Variants in TTN observed in about 807,000 individuals in gnomAD.
The protein encoded by TTN is titin.
A neutral mutation model predicts 3,223.0 loss-of-function variants in TTN; 1,525 were observed. The ratio of observed to expected loss-of-function variants is 0.47; its 90% CI spans 0.45 to 0.49. The LOEUF is 0.49. TTN is among the 20% of genes least tolerant of loss of function. TTN has a pLI of 0.00. For synonymous variants in TTN, 14,094 were observed against 15,161.0 expected (o/e 0.93, Z 5.17); for missense variants, 40,786 against 43,424.0 (o/e 0.94, Z 5.40).
rs1554000030 is a variant in TTN, at chr2:178,773,225, A to G, written c.7739T>C (p.Ile2580Thr). Reference sequence around the variant, plus strand: ...TTTATATATTTTTCCATGTGCTTCAATTTTATATTTAGAACTGGGCTTGAT... The same window carrying G: ...TTTATATATTTTTCCATGTGCTTCAGTTTTATATTTAGAACTGGGCTTGAT... The part of the protein sequence containing the change: ...KEIKPSSKYK[I>T]EAHGKIYKLT... The change falls in exon 33 of 363, where the codon ATT becomes ACT. Residue 2580 changes from isoleucine (I) to threonine (T), a missense_variant. Transcript: ENST00000589042. The G allele has an allele frequency of 1.2e-6, 2 of 1,613,798 alleles. No homozygotes were observed. Among genetic ancestry groups the G allele is most frequent in the Admixed American group, 1.7e-5 (1 of 59,958 alleles).
At chr2:178,770,799 G>T in intron 34 of TTN, 124 bp from the exon 35 acceptor site, 1 of 1,226,322 alleles carries the variant, frequency 8.2e-7, no homozygotes, top group Non-Finnish European at 1.2e-6. Flanking sequence ...TTACAGTTAT[G>T]CAGCACCTCT....
rs767456906 is a variant in TTN, at chr2:178,540,281, C to T, written c.97885G>A (p.Gly32629Arg). ...LAWSVPEDEGGSKVTGYLIEM... is the reference protein window; with the variant it reads ...LAWSVPEDEGRSKVTGYLIEM... ...ATCAAGTAGCCTGTGACTTTAGATC[C>T]TCCTTCATCTTCTGGAACACTCCAG... Residue 32629 changes from glycine to arginine, a missense_variant, in exon 351 of 363, where the codon GGA becomes AGA. Coordinates refer to ENST00000589042, the MANE Select transcript of TTN (RefSeq NM_001267550.2). The T allele has an allele frequency of 1.1e-5, 17 of 1,613,694 alleles. No individual in the cohort carries two copies. Among genetic ancestry groups the T allele is most frequent in the Non-Finnish European group, 1.4e-5 (17 of 1,179,770 alleles).
In TTN at chr2:178,605,409, C is replaced by A. The variant is rs753527304; in HGVS notation, c.53881+5G>T. On this transcript the variant is annotated splice_donor_5th_base_variant and intron_variant, in intron 279 of 362. Transcript: ENST00000589042. ...TAAAATTATTATTATATTCAGATTC[C>A]GCACCTTCATCATCTTGTATGACTA... is the stretch of plus-strand genomic sequence containing the variant. 3.2e-6 allele frequency: 5 copies of A among 1,573,498 alleles called. No homozygotes were observed. The highest frequency in any genetic ancestry group is 4.3e-6 in the Non-Finnish European group (5 of 1,160,696).
At chr2:178,545,193 T>C (rs1696491330) in intron 344 of TTN, among the ~76,000 whole-genome samples, 195 bp downstream of exon 344, 1 of 152,194 alleles carries the variant, frequency 6.6e-6, no homozygotes, top group African/African-American at 2.4e-5. Flanking sequence ...CTTTTAGCAA[T>C]TCTAATTGCT....
In TTN at chr2:178,536,198, A is replaced by C; in HGVS notation, c.100549T>G (p.Cys33517Gly). 1 of 1,613,392 alleles carries C rather than the reference A, an allele frequency of 6.2e-7. No homozygotes were observed. Among genetic ancestry groups the C allele is most frequent in the Non-Finnish European group, 8.5e-7 (1 of 1,179,584 alleles). The change falls in exon 357 of 363, where the codon TGC (cysteine) becomes GGC (glycine). Residue 33517 changes from cysteine to glycine, a missense_variant. By Grantham distance (159) the Cys-to-Gly change is radical (BLOSUM62 -3). Coordinates refer to ENST00000589042, the MANE Select transcript of TTN (RefSeq NM_001267550.2). ...VRYQSNATLV[C>G]KVTGHPKPIV... ...GGTTTTGGATGACCAGTCACTTTGC[A>C]GACCAAGGTAGCATTGCTCTGATAT...
Position 178,777,783 on chromosome 2 carries a change from T to C in TTN, c.4401A>G (p.Lys1467=), listed in dbSNP as rs773625795. 2 of 1,613,912 alleles carry C rather than the reference T, an allele frequency of 1.2e-6. No individual in the cohort carries two copies. The highest frequency in any genetic ancestry group is 2.7e-5 in the African/African-American group (2 of 74,904). The change falls in exon 25 of 363, where the codon AAA becomes AAG. Residue 1467 remains lysine (K), a synonymous_variant. Transcript: ENST00000589042. Reference sequence around the variant, plus strand: ...ATCTGGCAGTTTGCCCTTCTAAACATTTGAAAGAAACAGGTTTTAACACAA... The same window carrying C: ...ATCTGGCAGTTTGCCCTTCTAAACACTTGAAAGAAACAGGTTTTAACACAA... ...PVFVLKPVSF[K]CLEGQTARFD...
Position 178,612,949 on chromosome 2 carries a change from A to C in TTN, c.49772T>G (p.Leu16591Arg). Residue 16591 changes from leucine to arginine, a missense_variant, in exon 265 of 363, where the codon CTG (leucine) becomes CGG (arginine). Coordinates refer to ENST00000589042, the MANE Select transcript of TTN (RefSeq NM_001267550.2). Reference sequence around the variant, plus strand: ...GACCCACTCATCTGTTCCAGTCTTCAGCATTTCAATGACATAAGACTCAAT... The same window carrying C: ...GACCCACTCATCTGTTCCAGTCTTCCGCATTTCAATGACATAAGACTCAAT... ...AKIESYVIEM[L>R]KTGTDEWVRV... is the part of the protein sequence containing the mutation. 6.2e-7 allele frequency: 1 copy of C among 1,612,744 alleles called. No individual in the cohort carries two copies. Among genetic ancestry groups the C allele is most frequent in the East Asian group, 2.2e-5 (1 of 44,598 alleles).
chr2:178,706,331 G>T, intron 102 of TTN, 123 bp downstream of exon 102: 1 of 1,033,900 alleles, frequency 9.7e-7, no homozygotes, highest in Non-Finnish European at 1.4e-6. Flanking sequence ...ATGCTGTATT[G>T]TTTATTTGTA....
chr2:178,692,315 T>G (rs1185215789), intron 120 of TTN, among the ~76,000 whole-genome samples, 182 bp downstream of exon 120: 2 of 152,090 alleles, frequency 1.3e-5, no homozygotes, highest in Non-Finnish European at 2.9e-5. Context: ...TAGCGTGATC[T>G]GGAGTTTAGA....
At chr2:178,608,968 A>G (rs1471364818) in intron 273 of TTN, 60 bp from the exon 274 acceptor site, 3 of 1,562,992 alleles carry the variant, frequency 1.9e-6, no homozygotes, top group Non-Finnish European at 2.6e-6. Context: ...GCTATGGAAA[A>G]TATAAATGTG....
intron 47 of TTN, chr2:178,745,900 G>A: frequency 6.2e-7 from 1 of 1,611,564 alleles, no homozygotes; most frequent in Non-Finnish European, 8.5e-7. Flanking sequence ...AACTGTCTGT[G>A]TAGTTGCTCT....
rs771005008 is a variant in TTN at position 178,704,585 on chromosome 2, A to C, written c.29887T>G (p.Cys9963Gly). 1.2e-5 allele frequency: 19 copies of C among 1,613,450 alleles called. No homozygotes were observed. In the South Asian group the frequency reaches 2.1e-4, roughly 18 times the overall value. ...TAATTGCCCTGGTCTTTAAGTTGAC[A>C]GTTTTTGACTCTGAGTGTATGTCGG... is the stretch of plus-strand genomic sequence containing the variant. ...GDRHTLRVKN[C>G]QLKDQGNYRL... Residue 9963 changes from cysteine to glycine, a missense_variant, in exon 105 of 363, where the codon TGT becomes GGT. Physicochemically the swap from Cys to Gly is radical, Grantham distance 159. Transcript: ENST00000589042.
In TTN at chr2:178,780,222, T is replaced by G; in HGVS notation, c.3524-17A>C. ...CATAATCAGCTAAGAGTTAAGAACA[T>G]CAGTTAATTTTTAATGCTCTTATTA... On this transcript the variant is annotated splice_polypyrimidine_tract_variant and intron_variant, in intron 21 of 362. Transcript: ENST00000589042. 1 of 1,597,992 alleles carries G rather than the reference T, an allele frequency of 6.3e-7. No individual in the cohort carries two copies. Among genetic ancestry groups the G allele is most frequent in the Non-Finnish European group, 8.6e-7 (1 of 1,165,672 alleles).
In TTN at chr2:178,563,403, G is replaced by T; in HGVS notation, c.82729C>A (p.Pro27577Thr). 6.2e-7 allele frequency: 1 copy of T among 1,613,562 alleles called. No homozygotes were observed. Among genetic ancestry groups the T allele is most frequent in the Non-Finnish European group, 8.5e-7 (1 of 1,179,740 alleles). ...GATCTGGAAGTGTCCGTCACTTTTG[G>T]ATTGCTTGGGGGACCTGGTGGATAC... ...ALYPPGPPSN[P>T]KVTDTSRSSV... The change falls in exon 326 of 363, where the codon CCA (proline) becomes ACA (threonine). Residue 27577 changes from proline (P) to threonine (T), a missense_variant. Physicochemically the swap from Pro to Thr is conservative, Grantham distance 38 (BLOSUM62 -1). Transcript: ENST00000589042. The surrounding 1 kb of genome is among the most constrained non-coding windows in gnomAD (Gnocchi z 4.5).
rs1576323436 is a variant in TTN at position 178,604,297 on chromosome 2, T to C, written c.54390A>G (p.Lys18130=). The change falls in exon 282 of 363, where the codon AAA becomes AAG. Residue 18130 remains lysine (K), a synonymous_variant. Coordinates refer to ENST00000589042, the MANE Select transcript of TTN (RefSeq NM_001267550.2). The part of the protein sequence containing the change: ...TAVEKRYGIW[K]LIPNGQYEFR... ...ACTCATACTGACCATTGGGGATAAG[T>C]TTCCAGATCTAGAAATTAGAAAAAC... is the stretch of plus-strand genomic sequence containing the variant. 6.9e-7 allele frequency: 1 copy of C among 1,451,932 alleles called. No homozygotes were observed. The highest frequency in any genetic ancestry group is 1.9e-4 in the Middle Eastern group (1 of 5,394). 89.9% of individuals were successfully genotyped at this position (1,451,932 alleles called of 1,614,324 possible). A position where few individuals can be genotyped will look rare whatever the true frequency, so the allele number is the denominator to read the frequency against.
rs535221404 is a variant in TTN at position 178,624,690 on chromosome 2, C to T, written c.44590G>A (p.Val14864Ile). 1.2e-6 allele frequency: 2 copies of T among 1,612,436 alleles called. No individual in the cohort carries two copies. The change falls in exon 242 of 363, where the codon GTC becomes ATC. Residue 14864 changes from valine (V) to isoleucine (I), a missense_variant. Transcript: ENST00000589042. ...EFTKPLEDQT[V>I]EEGATAVLEC... ...AGCACTGCAGTGGCTCCCTCTTCGA[C>T]CGTCTGGTCCTCAAGAGGCTTAGTG...
rs765532193 is a variant in TTN at position 178,800,554 on chromosome 2, C to T, written c.424G>A (p.Ala142Thr). The stretch of plus-strand genomic sequence containing the variant: ...AAATCAAGGGAGCTCTGGATTTCGG[C>T]TCCATCCCGGTAGAACTTCACCACA... ...TPVVKFYRDG[A>T]EIQSSLDFQI... is the part of the protein sequence containing the mutation. The change falls in exon 4 of 363, where the codon GCC (alanine) becomes ACC (threonine). Residue 142 changes from alanine (A) to threonine (T), a missense_variant. Physicochemically the swap from Ala to Thr is moderately conservative, Grantham distance 58. Coordinates refer to ENST00000589042, the MANE Select transcript of TTN (RefSeq NM_001267550.2). 3 of 1,614,042 alleles carry T rather than the reference C, an allele frequency of 1.9e-6. No individual in the cohort carries two copies. Among genetic ancestry groups the T allele is most frequent in the African/African-American group, 2.7e-5 (2 of 74,928 alleles).
intron 317 of TTN, 34 bp from the exon 318 acceptor site, chr2:178,580,263 T>C (rs1223797622): frequency 6.2e-7 from 1 of 1,605,830 alleles, no homozygotes. Flanking sequence ...GAAATGAATG[T>C]GTAAAAAATA....
At chr2:178,546,555 T>C (rs1337152578) in intron 341 of TTN, 45 bp downstream of exon 341, 5 of 1,593,788 alleles carry the variant, frequency 3.1e-6, no homozygotes, top group Non-Finnish European at 4.3e-6. Context: ...TATTTTCACA[T>C]AAATTGAGAT....
Sources: allele counts gnomAD v4.1 joint callset (sites outside exome capture counted in the v4.1 genomes callset), GRCh38; gene constraint gnomAD v4.1.1; non-coding constraint Gnocchi (gnomAD v3.1); transcripts MANE v1.5; gene names NCBI Gene and HGNC (gene_info 2026-07-23, HGNC 2026-07-21).